MIOS: variants seen among roughly 807,000 people sequenced by gnomAD.
MIOS encodes GATOR2 complex protein MIOS.
In MIOS, 52 loss-of-function variants were observed where a neutral mutation model predicts 96.9. That is an observed-to-expected ratio of 0.54 (90% CI 0.43 to 0.68). MIOS has a LOEUF of 0.68. MIOS is among the 30% of genes least tolerant of loss of function. The pLI is 0.00. For missense variants in MIOS, 1,005 were observed against 1,052.8 expected (o/e 0.95, Z 0.63); for synonymous variants, 397 against 359.5 (o/e 1.10, Z -1.18).
At chr7:7,588,460 G>A (rs773574121) in intron 7 of MIOS, 38 bp from the exon 8 acceptor site, 43 of 1,403,334 alleles carry the variant, frequency 3.1e-5, no homozygotes, top group South Asian at 7.5e-5. Context: ...AAACCAGTGC[G>A]CCTAGAAGTA....
At chr7:7,605,396 G>C (rs1357212281) in intron 11 of MIOS, 8 of 151,720 alleles carry the variant, frequency 5.3e-5, no homozygotes, top group Non-Finnish European at 1.2e-4. Flanking sequence ...CCAGATTTAA[G>C]CAATTCTTGT....
intron 5 of MIOS, chr7:7,582,681 A>T: frequency 1.1e-6 from 1 of 918,692 alleles, no homozygotes; most frequent in Non-Finnish European, 1.3e-6. Context: ...GACAGTAGGG[A>T]TACCTTGTGA....
At chr7:7,606,100 C>T (rs372403718) in intron 12 of MIOS, 29 bp downstream of exon 12, 5 of 1,611,554 alleles carry the variant, frequency 3.1e-6, no homozygotes, top group Non-Finnish European at 4.2e-6. Context: ...CTTTGATAGG[C>T]TTGGAGTTAT....
At chr7:7,581,097 G>A (rs1358984522) in intron 5 of MIOS, among the ~76,000 whole-genome samples, 2 of 150,904 alleles carry the variant, frequency 1.3e-5, no homozygotes, top group African/African-American at 2.4e-5. Flanking sequence ...TGAGGTGGGT[G>A]GATCACCTGA....
intron 5 of MIOS, among the ~76,000 whole-genome samples, chr7:7,582,099 ACTGT>A (rs1454207968): frequency 2.6e-5 from 4 of 152,246 alleles, no homozygotes; most frequent in Middle Eastern, 6.8e-3. Flanking sequence ...AATTCTAGAA[ACTGT>A]CTGCTGTTGA....
intron 5 of MIOS, 118 bp downstream of exon 5, chr7:7,574,314 T>C (rs1479898191): frequency 1.4e-6 from 1 of 706,734 alleles, no homozygotes; most frequent in Non-Finnish European, 2.2e-6. Flanking sequence ...ATAATTTTTT[T>C]TGTTTTCTGA....
chr7:7,573,211 G>T lies in MIOS; in HGVS notation c.736G>T (p.Gly246Cys). 6.2e-7 allele frequency: 1 copy of T among 1,614,140 alleles called. No individual in the cohort carries two copies. The highest frequency in any genetic ancestry group is 1.3e-5 in the African/African-American group (1 of 75,054). The change falls in exon 4 of 13, where the codon GGT becomes TGT. Residue 246 changes from glycine to cysteine, a missense_variant. Physicochemically the swap from Gly to Cys is radical, Grantham distance 159. This residue lies in a region of MIOS where 865 missense variants were observed against 887.9 expected (regional missense o/e 0.97). Coordinates refer to ENST00000340080, the MANE Select transcript of MIOS (RefSeq NM_019005.4). This position sits in a 1 kb window ranked among gnomAD's most constrained non-coding sequence, Gnocchi z 5.0. ...FHDRVASFYE[G>C]QVAIWDLRKF... The stretch of plus-strand genomic sequence containing the variant: ...CGATCGTGTTGCTTCCTTCTATGAA[G>T]GTCAGGTTGCAATATGGGATCTTAG...
chr7:7,588,938 G>A (rs1183659026), intron 8 of MIOS, among the ~76,000 whole-genome samples: 2 of 152,100 alleles, frequency 1.3e-5, no homozygotes, highest in South Asian at 2.1e-4. Context: ...AATACTATAT[G>A]CTAAGTACTA....
intron 5 of MIOS, among the ~76,000 whole-genome samples, chr7:7,578,246 G>A (rs1783600189): frequency 6.6e-6 from 1 of 152,214 alleles, no homozygotes; most frequent in Admixed American, 6.5e-5. Flanking sequence ...TGCATGCTCT[G>A]AGGGAATCTC....
chr7:7,596,532 A>G, intron 11 of MIOS, 71 bp downstream of exon 11: 1 of 1,404,606 alleles, frequency 7.1e-7, no homozygotes, highest in Non-Finnish European at 1.0e-6. Flanking sequence ...AATGTTGCAA[A>G]TAAAATACAA....
intron 11 of MIOS, among the ~76,000 whole-genome samples, chr7:7,597,930 G>T (rs1177004168): frequency 6.6e-6 from 1 of 152,084 alleles, no homozygotes; most frequent in Non-Finnish European, 1.5e-5. Flanking sequence ...TTCCCAAAGT[G>T]CTGGGATTAC....
In MIOS at chr7:7,604,859, A is replaced by T. The variant is rs192447711; in HGVS notation, c.2402-1083A>T. 1.2e-3 allele frequency among the ~76,000 whole-genome samples: 189 copies of T among 152,286 alleles called. 4 individuals carry two copies. The highest frequency in any genetic ancestry group is 0.012 in the Admixed American group (188 of 15,288). ...AGTGACAAGCACTAATGAGAGCTTTACACAAAGGTGTAAAGTAGTGTACAT... is the reference window on the plus strand; with the variant it reads ...AGTGACAAGCACTAATGAGAGCTTTTCACAAAGGTGTAAAGTAGTGTACAT... On this transcript the variant is annotated intron_variant, in intron 11 of 12. Transcript: ENST00000340080.
At chr7:7,595,214 C>A in intron 10 of MIOS, 82 bp downstream of exon 10, 1 of 1,440,464 alleles carries the variant, frequency 6.9e-7, no homozygotes, top group Non-Finnish European at 9.4e-7. Context: ...CATTATTTTG[C>A]TTATATTGAG....
chr7:7,584,850 C>T (rs17151578), intron 6 of MIOS, among the ~76,000 whole-genome samples: 3,252 of 152,234 alleles, frequency 0.021, 94 homozygotes, highest in African/African-American at 0.074. Flanking sequence ...AAGTTAGCAG[C>T]TTATCAGCAT....
chr7:7,600,303 A>G (rs1784337416), intron 11 of MIOS, among the ~76,000 whole-genome samples: 5 of 152,134 alleles, frequency 3.3e-5, no homozygotes, highest in Admixed American at 3.3e-4. Context: ...AAGACCCATC[A>G]GTGTGCTGTA....
At position 7,572,269 on chromosome 7, in the gene MIOS, T is replaced by TC. The variant is rs1783380922; in HGVS notation, c.-40-166dup. ...AGTGGTTGTTCTTTCTCCTTTTTTTTCAATAAATATTTTCTTGAATTCATA... is the reference window on the plus strand; with the variant it reads ...AGTGGTTGTTCTTTCTCCTTTTTTTTCCAATAAATATTTTCTTGAATTCATA... On this transcript the variant is annotated intron_variant, in intron 3 of 12. Coordinates refer to ENST00000340080, the MANE Select transcript of MIOS (RefSeq NM_019005.4). This position sits in a 1 kb window ranked among gnomAD's most constrained non-coding sequence, Gnocchi z 4.8. Among the ~76,000 whole-genome samples, 1 of 152,200 alleles carries TC rather than the reference T, an allele frequency of 6.6e-6. No homozygotes were observed. The highest frequency in any genetic ancestry group is 2.4e-5 in the African/African-American group (1 of 41,454).
At chr7:7,569,576 T>C (rs1199683244) in intron 3 of MIOS, among the ~76,000 whole-genome samples, 1 of 152,236 alleles carries the variant, frequency 6.6e-6, no homozygotes, top group Non-Finnish European at 1.5e-5. Context: ...AACAAATGTT[T>C]ATTAACTTCC....
intron 9 of MIOS, among the ~76,000 whole-genome samples, chr7:7,590,802 A>G (rs1784024884): frequency 6.6e-6 from 1 of 152,060 alleles, no homozygotes; most frequent in Non-Finnish European, 1.5e-5. Flanking sequence ...TTACCCCCTC[A>G]TACTTCACAT....
intron 9 of MIOS, among the ~76,000 whole-genome samples, chr7:7,591,450 T>C (rs1158097990): frequency 1.3e-5 from 2 of 151,962 alleles, no homozygotes; most frequent in African/African-American, 4.8e-5. Context: ...GGCTAATTTT[T>C]TGTATTTTTG....
Sources: gnomAD v4.1 joint callset for allele counts (sites outside exome capture counted in the v4.1 genomes callset) on GRCh38, gnomAD v4.1.1 for gene constraint, gnomAD v4.1.1 regional missense constraint, Gnocchi (gnomAD v3.1) non-coding constraint, MANE v1.5 for transcripts, NCBI Gene and HGNC (gene_info 2026-07-23, HGNC 2026-07-21) for gene names.